Variants in FER observed in about 807,000 individuals in gnomAD.
FER encodes FER tyrosine kinase.
In FER, 63 loss-of-function variants were observed where a neutral mutation model predicts 111.0. That is an observed-to-expected ratio of 0.57 (90% CI 0.46 to 0.70). FER has a LOEUF of 0.70. Among genes scored for constraint, FER ranks in the 30% least tolerant of loss-of-function variants. The pLI is 0.00. For missense variants in FER, 914 were observed against 954.0 expected (o/e 0.96, Z 0.55); for synonymous variants, 327 against 313.9 (o/e 1.04, Z -0.44).
At chr5:108,884,459 C>T (rs1220661643) in intron 9 of FER, among the ~76,000 whole-genome samples, 1 of 151,324 alleles carries the variant, frequency 6.6e-6, no homozygotes, top group Admixed American at 6.6e-5. Flanking sequence ...CAACATCTTT[C>T]CTTACTTCAA....
chr5:109,002,046 C>T (rs1561752630), intron 13 of FER, among the ~76,000 whole-genome samples: 1 of 151,618 alleles, frequency 6.6e-6, no homozygotes, highest in Non-Finnish European at 1.5e-5. Context: ...GGCCATACTG[C>T]CCAAGGTAAT....
rs1031729901 is a variant in FER, at chr5:109,110,653, TTTA to T, written c.2048+10145_2048+10147del. ...AATTCTTTTTTATATATTTTTTAAT[TTTA>T]TTATTATTATACTTTAAGTTTTAGG... is the stretch of plus-strand genomic sequence containing the variant. On this transcript the variant is annotated intron_variant, in intron 17 of 19. Coordinates refer to ENST00000281092, the MANE Select transcript of FER (RefSeq NM_005246.4). Among the ~76,000 whole-genome samples the T allele has an allele frequency of 1.9e-3, 286 of 152,136 alleles. 3 individuals are homozygous for T. Among genetic ancestry groups the T allele is most frequent in the African/African-American group, 6.3e-3 (260 of 41,534 alleles).
chr5:108,785,090 C>A lies in FER; in HGVS notation c.-59-13034C>A, dbSNP rs1314981345. 7 of 433,684 alleles carry A rather than the reference C, an allele frequency of 1.6e-5. No homozygotes were observed. The South Asian group carries it at 2.0e-4, about 12-fold the overall frequency. 26.9% of individuals were successfully genotyped at this position (433,684 alleles called of 1,614,324 possible). A position where few individuals can be genotyped will look rare whatever the true frequency, so the allele number is the denominator to read the frequency against. ...TCGCTTCTTGCCTAACAGCAGCAAC[C>A]CTATCACTGTCTCCTGTAGCTGGGA... On this transcript the variant is annotated intron_variant, in intron 2 of 19. Coordinates refer to ENST00000281092, the MANE Select transcript of FER (RefSeq NM_005246.4).
At chr5:108,863,950 G>GT (rs1176212282) in intron 5 of FER, among the ~76,000 whole-genome samples, 1 of 152,060 alleles carries the variant, frequency 6.6e-6, no homozygotes, top group East Asian at 1.9e-4. Context: ...CTAAATTAAT[G>GT]TACTTGCTTC....
At chr5:108,748,504 C>T (rs1478602475) in intron 1 of FER, 4 of 152,360 alleles carry the variant, frequency 2.6e-5, no homozygotes, top group East Asian at 3.8e-4. Flanking sequence ...CCCAAAGTTT[C>T]CTGTGAGGCC....
At chr5:109,073,212 T>A (rs1775962400) in intron 16 of FER, among the ~76,000 whole-genome samples, 1 of 152,180 alleles carries the variant, frequency 6.6e-6, no homozygotes, top group Non-Finnish European at 1.5e-5. Context: ...TTTATTGGGT[T>A]ATGTTATATT....
At chr5:108,894,979 A>G (rs1248841913) in intron 9 of FER, among the ~76,000 whole-genome samples, 1 of 152,188 alleles carries the variant, frequency 6.6e-6, no homozygotes, top group African/African-American at 2.4e-5. Context: ...ATATCGGGCT[A>G]TTCAGGTTCC....
rs1754188703 is a variant in FER at position 109,146,273 on chromosome 5, T to TATATATTATCTATCTA, written c.2049-34468_2049-34467insTATCTATCTAATATAT. ...TATCTAATATATATATATATATATATATATATATATATATATATCTTGGGT... is the reference window on the plus strand; with the variant it reads ...TATCTAATATATATATATATATATATATATATTATCTATCTAATATATATATATATATATCTTGGGT... On this transcript the variant is annotated intron_variant, in intron 17 of 19. Coordinates refer to ENST00000281092, the MANE Select transcript of FER (RefSeq NM_005246.4). 4.8e-5 allele frequency among the ~76,000 whole-genome samples: 3 copies of TATATATTATCTATCTA among 62,240 alleles called. 1 individual carries two copies. The highest frequency in any genetic ancestry group is 2.1e-4 in the African/African-American group (3 of 14,516). 40.8% of individuals were successfully genotyped at this position (62,240 alleles called of 152,430 possible). A position where few individuals can be genotyped will look rare whatever the true frequency, so the allele number is the denominator to read the frequency against.
rs550763923 is a variant in FER at position 109,066,045 on chromosome 5, T to A, written c.1924+18847T>A. Among the ~76,000 whole-genome samples, 9 of 152,326 alleles carry A rather than the reference T, an allele frequency of 5.9e-5. No homozygotes were observed. In the East Asian group the frequency reaches 1.7e-3, roughly 29 times the overall value. ...ATTAAAGAGGTGACTTTCTATAGCG[T>A]CTTTAACTTTTTATTGTAAGAGATT... On this transcript the variant is annotated intron_variant, in intron 16 of 19. Coordinates refer to ENST00000281092, the MANE Select transcript of FER (RefSeq NM_005246.4).
At chr5:108,923,961 A>G (rs1753382079) in intron 10 of FER, among the ~76,000 whole-genome samples, 1 of 152,170 alleles carries the variant, frequency 6.6e-6, no homozygotes, top group South Asian at 2.1e-4. Context: ...AAGTGCTTGA[A>G]AGTGAGGTAT....
intron 10 of FER, among the ~76,000 whole-genome samples, chr5:108,900,121 G>C (rs1012282739): frequency 2.0e-5 from 3 of 152,098 alleles, no homozygotes; most frequent in Non-Finnish European, 4.4e-5. Context: ...GGATTTTTTT[G>C]TAAAAGAATA....
intron 11 of FER, among the ~76,000 whole-genome samples, chr5:108,953,287 G>A (rs1157568608): frequency 1.3e-5 from 2 of 151,300 alleles, no homozygotes; most frequent in South Asian, 4.2e-4. Context: ...ACAATTTTTG[G>A]GAATACATTA....
chr5:108,848,956 T>C (rs925710272), intron 5 of FER, among the ~76,000 whole-genome samples: 3 of 152,218 alleles, frequency 2.0e-5, no homozygotes, highest in East Asian at 3.9e-4. Context: ...AAACAGATTT[T>C]TACCTCTTTA....
intron 5 of FER, among the ~76,000 whole-genome samples, chr5:108,847,335 T>G (rs902598867): frequency 1.3e-5 from 2 of 152,032 alleles, no homozygotes; most frequent in African/African-American, 4.8e-5. Context: ...CTAGAGTTTT[T>G]TAATTTTTTA....
At chr5:108,761,641 C>G (rs1363869945) in intron 1 of FER, among the ~76,000 whole-genome samples, 1 of 151,930 alleles carries the variant, frequency 6.6e-6, no homozygotes, top group Non-Finnish European at 1.5e-5. Context: ...AAAAATGGTG[C>G]CAATAGAGTT....
At chr5:108,883,270 G>A in intron 8 of FER, 126 bp from the exon 9 acceptor site, 4 of 884,952 alleles carry the variant, frequency 4.5e-6, no homozygotes, top group Non-Finnish European at 6.2e-6. Flanking sequence ...TTTTATTTTA[G>A]TTTGAATCAG....
chr5:108,840,938 G>A (rs758617231), intron 5 of FER, among the ~76,000 whole-genome samples: 36 of 152,076 alleles, frequency 2.4e-4, no homozygotes, highest in Non-Finnish European at 4.6e-4. Context: ...CAATGGCTTG[G>A]CATCCATTGA....
intron 13 of FER, among the ~76,000 whole-genome samples, chr5:109,018,541 A>C (rs763517592): frequency 2.6e-5 from 4 of 151,804 alleles, no homozygotes; most frequent in Non-Finnish European, 4.4e-5. Context: ...GACTTGTCCC[A>C]CAATAGTGGA....
chr5:109,106,499 T>G (rs1748952522), intron 17 of FER, among the ~76,000 whole-genome samples: 1 of 152,228 alleles, frequency 6.6e-6, no homozygotes, highest in African/African-American at 2.4e-5. Context: ...ACATTTGATT[T>G]ACAATTTTGA....
Sources: gnomAD v4.1 joint callset for allele counts (sites outside exome capture counted in the v4.1 genomes callset) on GRCh38, gnomAD v4.1.1 for gene constraint, MANE v1.5 for transcripts, NCBI Gene and HGNC (gene_info 2026-07-23, HGNC 2026-07-21) for gene names.